The following LYPD6B variants were observed in gnomAD, a reference collection of about 807,000 sequenced individuals.
The protein encoded by LYPD6B is LY6/PLAUR domain containing 6B, also known as ly6/PLAUR domain-containing protein 6B.
LYPD6B carries 17 observed loss-of-function variants against 22.8 expected under a neutral mutation model. The ratio of observed to expected loss-of-function variants is 0.75; its 90% CI spans 0.51 to 1.12. The LOEUF (loss-of-function observed/expected upper bound fraction) is 1.12, where lower values mean the gene tolerates loss of function less well. Among genes scored for constraint, LYPD6B ranks in the 50% most tolerant of loss-of-function variants. The pLI is 0.00. For missense variants in LYPD6B, 221 were observed against 258.3 expected (o/e 0.86, Z 0.99); for synonymous variants, 106 against 91.6 (o/e 1.16, Z -0.90).
At chr2:149,198,912 G>GCT (rs1045779363) in intron 3 of LYPD6B, among the ~76,000 whole-genome samples, 3 of 152,114 alleles carry the variant, frequency 2.0e-5, no homozygotes, top group Admixed American at 6.5e-5. Flanking sequence ...TATTAGAAGT[G>GCT]GAAGGGACCT....
chr2:149,207,698 G>C (rs567019219), intron 4 of LYPD6B, among the ~76,000 whole-genome samples: 3 of 152,160 alleles, frequency 2.0e-5, no homozygotes, highest in Non-Finnish European at 2.9e-5. Context: ...ACATATATCA[G>C]ATGAGATTAC....
intron 1 of LYPD6B, among the ~76,000 whole-genome samples, chr2:149,075,802 T>G (rs1406849829): frequency 6.6e-6 from 1 of 152,240 alleles, no homozygotes; most frequent in African/African-American, 2.4e-5. Flanking sequence ...TGTCATATAT[T>G]CTGAAAAGTA....
At position 149,214,662 on chromosome 2, in the gene LYPD6B, A is replaced by C; in HGVS notation, c.576A>C (p.Thr192=). 6.2e-7 allele frequency: 1 copy of C among 1,613,552 alleles called. No individual in the cohort carries two copies. The highest frequency in any genetic ancestry group is 2.2e-5 in the East Asian group (1 of 44,852). The change falls in exon 7 of 7, where the codon ACA becomes ACC. Residue 192 remains threonine (T), a synonymous_variant. Transcript: ENST00000409642. ...AQRTSGSSAP[T]LYLPVLAWVF... ...GAACATCTGGCAGCAGTGCCCCCAC[A>C]CTCTACCTACCAGTGCTTGCCTGGG... is the stretch of plus-strand genomic sequence containing the variant.
At chr2:149,102,307 A>G (rs895246570) in intron 1 of LYPD6B, among the ~76,000 whole-genome samples, 1 of 152,224 alleles carries the variant, frequency 6.6e-6, no homozygotes, top group African/African-American at 2.4e-5. Flanking sequence ...ACAGTGAGTT[A>G]GTATAAAGAG....
At chr2:149,076,560 T>C (rs1346332461) in intron 1 of LYPD6B, among the ~76,000 whole-genome samples, 1 of 152,098 alleles carries the variant, frequency 6.6e-6, no homozygotes, top group Non-Finnish European at 1.5e-5. Flanking sequence ...AGGGAATGGA[T>C]AAGGAAATGG....
chr2:149,095,154 G>A (rs942914629), intron 1 of LYPD6B, among the ~76,000 whole-genome samples: 1 of 152,020 alleles, frequency 6.6e-6, no homozygotes, highest in East Asian at 1.9e-4. Flanking sequence ...AAATTAGCCG[G>A]GGATGGTGGC....
intron 2 of LYPD6B, among the ~76,000 whole-genome samples, chr2:149,151,916 C>T (rs909646601): frequency 6.6e-6 from 1 of 152,112 alleles, no homozygotes; most frequent in Admixed American, 6.6e-5. Flanking sequence ...AGATGCTGGC[C>T]TCACTTTCTA....
At chr2:149,167,740 A>G (rs1690524457) in intron 3 of LYPD6B, among the ~76,000 whole-genome samples, 1 of 151,956 alleles carries the variant, frequency 6.6e-6, no homozygotes, top group Admixed American at 6.5e-5. Flanking sequence ...TCACCCTAGG[A>G]TTTCTGGGTT....
intron 2 of LYPD6B, among the ~76,000 whole-genome samples, chr2:149,135,569 A>G (rs1257362952): frequency 6.6e-6 from 1 of 151,906 alleles, no homozygotes; most frequent in Non-Finnish European, 1.5e-5. Flanking sequence ...AAAATACAAA[A>G]ATAAGCCAGG....
intron 3 of LYPD6B, among the ~76,000 whole-genome samples, chr2:149,189,133 A>C (rs1314379617): frequency 6.6e-6 from 1 of 151,846 alleles, no homozygotes; most frequent in Admixed American, 6.6e-5. Context: ...ACTTCATGCC[A>C]GGGGCTAAAG....
intron 1 of LYPD6B, among the ~76,000 whole-genome samples, chr2:149,126,947 A>G (rs892896046): frequency 1.5e-5 from 2 of 129,802 alleles, no homozygotes; most frequent in African/African-American, 5.8e-5. Context: ...TTTTTTTTTC[A>G]TAAGCTTTGT....
intron 2 of LYPD6B, among the ~76,000 whole-genome samples, chr2:149,155,208 G>C (rs958052022): frequency 2.0e-5 from 3 of 152,186 alleles, no homozygotes; most frequent in Non-Finnish European, 4.4e-5. Context: ...TTCCTTGCTA[G>C]GAAAATGCTC....
At chr2:149,137,619 T>C (rs1392978865) in intron 2 of LYPD6B, among the ~76,000 whole-genome samples, 1 of 152,240 alleles carries the variant, frequency 6.6e-6, no homozygotes, top group African/African-American at 2.4e-5. Context: ...TAAATATTTG[T>C]GCATACAAGA....
chr2:149,094,663 T>C (rs888279700), intron 1 of LYPD6B, among the ~76,000 whole-genome samples: 2 of 152,204 alleles, frequency 1.3e-5, no homozygotes, highest in African/African-American at 4.8e-5. Flanking sequence ...GATTTTACTT[T>C]AAAAATATTT....
intron 3 of LYPD6B, among the ~76,000 whole-genome samples, chr2:149,170,425 T>C (rs763772966): frequency 8.5e-5 from 13 of 152,328 alleles, no homozygotes; most frequent in South Asian, 2.1e-4. Flanking sequence ...CACTGTTCTC[T>C]GTGCTATATT....
intron 2 of LYPD6B, among the ~76,000 whole-genome samples, chr2:149,139,676 A>T (rs1220496811): frequency 6.6e-6 from 1 of 152,230 alleles, no homozygotes; most frequent in Non-Finnish European, 1.5e-5. Flanking sequence ...TAACTACTTT[A>T]AAACAAATAT....
intron 3 of LYPD6B, among the ~76,000 whole-genome samples, chr2:149,173,187 T>A (rs1286110009): frequency 6.6e-6 from 1 of 151,210 alleles, no homozygotes; most frequent in African/African-American, 2.4e-5. Flanking sequence ...TGTTTTTTTT[T>A]TTAAAAAAAG....
At chr2:149,101,706 A>G (rs1407632960) in intron 1 of LYPD6B, 1 of 152,246 alleles carries the variant, frequency 6.6e-6, no homozygotes, top group East Asian at 1.9e-4. Context: ...ATTTGGACAA[A>G]GGTGCCATAT....
chr2:149,085,810 G>A (rs1028167601), intron 1 of LYPD6B, among the ~76,000 whole-genome samples: 1 of 152,202 alleles, frequency 6.6e-6, no homozygotes, highest in Non-Finnish European at 1.5e-5. Flanking sequence ...AAGTTTTTGT[G>A]TGATTTGAAG....
Sources: gnomAD v4.1 joint callset for allele counts (sites outside exome capture counted in the v4.1 genomes callset) on GRCh38, gnomAD v4.1.1 for gene constraint, MANE v1.5 for transcripts, NCBI Gene and HGNC (gene_info 2026-07-23, HGNC 2026-07-21) for gene names.